Variants in SEMA3E observed in about 807,000 individuals in gnomAD.
The protein encoded by SEMA3E is semaphorin-3E.
Under a neutral mutation model 93.6 loss-of-function variants are expected in SEMA3E, and 49 were observed. That is an observed-to-expected ratio of 0.52 (90% CI 0.42 to 0.66). The LOEUF (loss-of-function observed/expected upper bound fraction) is 0.66. Ranked by LOEUF, SEMA3E falls within the 30% of genes least tolerant of loss-of-function variation. SEMA3E has a pLI of 0.00. For missense variants in SEMA3E, 906 were observed against 964.8 expected (o/e 0.94, Z 0.81); for synonymous variants, 363 against 330.7 (o/e 1.10, Z -1.06).
intron 16 of SEMA3E, among the ~76,000 whole-genome samples, chr7:83,376,018 T>C (rs2116903333): frequency 6.6e-6 from 1 of 152,222 alleles, no homozygotes; most frequent in African/African-American, 2.4e-5. Flanking sequence ...AAGTAAATTC[T>C]GAATATTTAC....
intron 1 of SEMA3E, among the ~76,000 whole-genome samples, chr7:83,582,475 C>G (rs985541143): frequency 3.3e-5 from 5 of 152,052 alleles, no homozygotes; most frequent in Non-Finnish European, 7.4e-5. Context: ...CTCTTTTCCT[C>G]TGTTTGAATG....
chr7:83,469,142 T>A, intron 3 of SEMA3E, 101 bp downstream of exon 3: 1 of 934,546 alleles, frequency 1.1e-6, no homozygotes, highest in South Asian at 1.4e-5. Context: ...ATTGCATACA[T>A]ACTTTTATAA....
At chr7:83,432,028 T>C (rs1317965683) in intron 4 of SEMA3E, among the ~76,000 whole-genome samples, 3 of 151,362 alleles carry the variant, frequency 2.0e-5, no homozygotes, top group African/African-American at 7.3e-5. Flanking sequence ...GGAGGGGCCA[T>C]GTGTAGGTTT....
At chr7:83,549,831 T>G (rs1208349281) in intron 1 of SEMA3E, among the ~76,000 whole-genome samples, 1 of 152,086 alleles carries the variant, frequency 6.6e-6, no homozygotes, top group Non-Finnish European at 1.5e-5. Flanking sequence ...AAACCCATTC[T>G]TTCTTCCCTT....
chr7:83,461,508 G>T (rs1789616317), intron 4 of SEMA3E, among the ~76,000 whole-genome samples: 1 of 152,130 alleles, frequency 6.6e-6, no homozygotes, highest in Non-Finnish European at 1.5e-5. Flanking sequence ...TAAAAAGGTG[G>T]CTGGAGCTAA....
At chr7:83,555,251 A>G (rs1163898214) in intron 1 of SEMA3E, among the ~76,000 whole-genome samples, 1 of 152,202 alleles carries the variant, frequency 6.6e-6, no homozygotes, top group African/African-American at 2.4e-5. Flanking sequence ...TCTGCATCAA[A>G]AAGTTGAAGT....
chr7:83,635,226 G>A (rs1173631200), intron 1 of SEMA3E, among the ~76,000 whole-genome samples: 1 of 151,512 alleles, frequency 6.6e-6, no homozygotes, highest in East Asian at 1.9e-4. Flanking sequence ...GGAAAAATAA[G>A]TTATGTCAGT....
chr7:83,470,868 T>TA (rs200514716), intron 2 of SEMA3E, among the ~76,000 whole-genome samples: 35,578 of 149,088 alleles, frequency 0.24, 4,542 homozygotes, highest in Middle Eastern at 0.38. Flanking sequence ...TTTTCTTTTT[T>TA]TTTTTTTTTT....
At chr7:83,381,228 G>A (rs1381488542) in intron 16 of SEMA3E, among the ~76,000 whole-genome samples, 3 of 151,906 alleles carry the variant, frequency 2.0e-5, no homozygotes, top group Non-Finnish European at 2.9e-5. Flanking sequence ...ATAGGTCCCT[G>A]CGTGAGCTTT....
intron 1 of SEMA3E, among the ~76,000 whole-genome samples, chr7:83,629,748 G>A (rs1199435538): frequency 6.6e-6 from 1 of 152,176 alleles, no homozygotes; most frequent in African/African-American, 2.4e-5. Flanking sequence ...GATCCACTGA[G>A]CAAGACTACT....
chr7:83,385,244 C>A, intron 16 of SEMA3E, 50 bp downstream of exon 16: 1 of 1,597,610 alleles, frequency 6.3e-7, no homozygotes, highest in East Asian at 2.2e-5. Flanking sequence ...ATTTACTGAT[C>A]ACACACTATA....
Position 83,392,586 on chromosome 7 carries a change from G to T in SEMA3E, c.1636C>A (p.Arg546=). 1 of 1,613,678 alleles carries T rather than the reference G, an allele frequency of 6.2e-7. No homozygotes were observed. The highest frequency in any genetic ancestry group is 8.5e-7 in the Non-Finnish European group (1 of 1,179,810). ...YCAWDGISCS[R]YYPTGTHAKR... is the part of the protein sequence containing the mutation. ...GCATGTGTGCCTGTTGGGTAATACC[G>T]GGAGCAGGATATGCCATCCCAGGCA... Residue 546 remains arginine, a synonymous_variant, in exon 14 of 17, where the codon CGG becomes AGG. Coordinates refer to ENST00000643230, the MANE Select transcript of SEMA3E (RefSeq NM_012431.3).
At chr7:83,476,496 A>T (rs1230148944) in intron 2 of SEMA3E, among the ~76,000 whole-genome samples, 2 of 152,188 alleles carry the variant, frequency 1.3e-5, no homozygotes, top group East Asian at 1.9e-4. Context: ...CCAAAGGAAT[A>T]ACAGAAATAT....
intron 1 of SEMA3E, among the ~76,000 whole-genome samples, chr7:83,617,499 A>G: frequency 6.9e-6 from 1 of 145,724 alleles, no homozygotes; most frequent in African/African-American, 2.5e-5. Context: ...ATAATATATA[A>G]TTTTATATAA....
intron 1 of SEMA3E, among the ~76,000 whole-genome samples, chr7:83,639,473 T>A (rs6953023): frequency 0.49 from 73,626 of 151,422 alleles, 18,527 homozygotes; most frequent in Middle Eastern, 0.59. Context: ...ATTCAGTAGA[T>A]ACCAAAGCCC....
At chr7:83,379,969 T>C (rs1268019774) in intron 16 of SEMA3E, among the ~76,000 whole-genome samples, 1 of 151,852 alleles carries the variant, frequency 6.6e-6, no homozygotes, top group Non-Finnish European at 1.5e-5. Flanking sequence ...TCTCTTGCCA[T>C]GCCAAATCTT....
intron 1 of SEMA3E, among the ~76,000 whole-genome samples, chr7:83,564,699 CTT>C (rs1253716881): frequency 6.6e-6 from 1 of 152,050 alleles, no homozygotes; most frequent in African/African-American, 2.4e-5. Context: ...ACTTCTATAA[CTT>C]TAACACCTGA....
chr7:83,576,465 G>GGAAT (rs151272481), intron 1 of SEMA3E, among the ~76,000 whole-genome samples: 1,731 of 151,988 alleles, frequency 0.011, 28 homozygotes, highest in African/African-American at 0.04. Flanking sequence ...ATATAAGCAT[G>GGAAT]GAATGACTAC....
At chr7:83,571,093 G>C (rs188272170) in intron 1 of SEMA3E, among the ~76,000 whole-genome samples, 10 of 148,172 alleles carry the variant, frequency 6.7e-5, no homozygotes, top group Non-Finnish European at 1.2e-4. Context: ...AAAAAGGAAA[G>C]AAAGAAAAGA....
Sources: allele counts gnomAD v4.1 joint callset (sites outside exome capture counted in the v4.1 genomes callset), GRCh38; gene constraint gnomAD v4.1.1; transcripts MANE v1.5; gene names NCBI Gene and HGNC (gene_info 2026-07-23, HGNC 2026-07-21).